TMEM140: variants seen among roughly 807,000 people sequenced by gnomAD.
TMEM140 encodes transmembrane protein 140.
For synonymous variants in TMEM140, 107 were observed against 106.8 expected (o/e 1.00, Z -0.01); for missense variants, 236 against 228.5 (o/e 1.03, Z -0.21).
chr7:135,150,381 T>C (rs1829639461), intron 1 of TMEM140, among the ~76,000 whole-genome samples: 1 of 152,162 alleles, frequency 6.6e-6, no homozygotes, highest in African/African-American at 2.4e-5. Flanking sequence ...TAATTACCTT[T>C]TAAAAAATAC....
chr7:135,149,035 C>T (rs567862709), intron 1 of TMEM140, among the ~76,000 whole-genome samples: 1 of 152,238 alleles, frequency 6.6e-6, no homozygotes, highest in South Asian at 2.1e-4. Flanking sequence ...ATCCACTTAC[C>T]ATACCCCATT....
chr7:135,159,491 T>C (rs1829875635), intron 1 of TMEM140, among the ~76,000 whole-genome samples: 1 of 152,218 alleles, frequency 6.6e-6, no homozygotes, highest in African/African-American at 2.4e-5. Context: ...AACTAGGAAT[T>C]TGTATCGCCT....
At chr7:135,150,776 A>G (rs1562921443) in intron 1 of TMEM140, among the ~76,000 whole-genome samples, 2 of 152,188 alleles carry the variant, frequency 1.3e-5, no homozygotes, top group East Asian at 1.9e-4. Flanking sequence ...GAATTTCTTG[A>G]ACCCGGGAGG....
Position 135,151,511 on chromosome 7 carries a change from A to G in TMEM140, c.-25+3241A>G, listed in dbSNP as rs1044786026. On this transcript the variant is annotated intron_variant, in intron 1 of 1. Transcript: ENST00000275767. The surrounding 1 kb of genome is among the most constrained non-coding windows in gnomAD (Gnocchi z 4.3). Reference sequence around the variant, plus strand: ...CTGTTGCCCCGGCTTTATTCTGCTAACATTTTCTTCCCAGTTCTCCTCTCT... The same window carrying G: ...CTGTTGCCCCGGCTTTATTCTGCTAGCATTTTCTTCCCAGTTCTCCTCTCT... Among the ~76,000 whole-genome samples, 1 of 152,164 alleles carries G rather than the reference A, an allele frequency of 6.6e-6. No individual in the cohort carries two copies. The highest frequency in any genetic ancestry group is 6.5e-5 in the Admixed American group (1 of 15,278).
At chr7:135,149,949 A>G (rs1829629429) in intron 1 of TMEM140, among the ~76,000 whole-genome samples, 1 of 152,116 alleles carries the variant, frequency 6.6e-6, no homozygotes. Context: ...AATTATATTT[A>G]TGTTGTTTTT....
chr7:135,158,878 G>T (rs917855520), intron 1 of TMEM140, among the ~76,000 whole-genome samples: 11 of 152,314 alleles, frequency 7.2e-5, no homozygotes, highest in Non-Finnish European at 1.2e-4. Context: ...TCTCAAAATG[G>T]CACCCTGCTG....
In TMEM140 at chr7:135,161,311, C is replaced by G. The variant is rs1194050577; in HGVS notation, c.-24-3107C>G. Among the ~76,000 whole-genome samples, 1 of 152,200 alleles carries G rather than the reference C, an allele frequency of 6.6e-6. No individual in the cohort carries two copies. The highest frequency in any genetic ancestry group is 1.5e-5 in the Non-Finnish European group (1 of 68,034). On this transcript the variant is annotated intron_variant, in intron 1 of 1. Transcript: ENST00000275767. The surrounding 1 kb of genome is among the most constrained non-coding windows in gnomAD (Gnocchi z 4.1). ...GCCACATTAATTTTTAAAAAGGCAGCTGTTTTCAAAGCAAAACGTTTAATA... is the reference window on the plus strand; with the variant it reads ...GCCACATTAATTTTTAAAAAGGCAGGTGTTTTCAAAGCAAAACGTTTAATA...
Position 135,164,844 on chromosome 7 carries a change from C to T in TMEM140, c.403C>T (p.Leu135Phe). The change falls in exon 2 of 2, where the codon CTC becomes TTC. Residue 135 changes from leucine (L) to phenylalanine (F), a missense_variant. Physicochemically the swap from Leu to Phe is conservative, Grantham distance 22. Transcript: ENST00000275767. ...GCTGGCAGGCGGCCTGGGCCTCTTCCTCTCCTATGTGTGGAAGTGGGTCAG... is the reference window on the plus strand; with the variant it reads ...GCTGGCAGGCGGCCTGGGCCTCTTCTTCTCCTATGTGTGGAAGTGGGTCAG... The part of the protein sequence containing the change: ...VLLAGGLGLF[L>F]SYVWKWVRLS... 1 of 1,614,012 alleles carries T rather than the reference C, an allele frequency of 6.2e-7. No individual in the cohort carries two copies. The highest frequency in any genetic ancestry group is 8.5e-7 in the Non-Finnish European group (1 of 1,179,888).
At position 135,161,374 on chromosome 7, in the gene TMEM140, G is replaced by A. The variant is rs1382221535; in HGVS notation, c.-24-3044G>A. ...ACCCCAGTGTAACAGAATTCAAATG[G>A]GAAAAGTGAGAGGGAGTGTTTAAAC... is the stretch of plus-strand genomic sequence containing the variant. On this transcript the variant is annotated intron_variant, in intron 1 of 1. Transcript: ENST00000275767. This position sits in a 1 kb window ranked among gnomAD's most constrained non-coding sequence, Gnocchi z 4.1. Among the ~76,000 whole-genome samples, 1 of 152,124 alleles carries A rather than the reference G, an allele frequency of 6.6e-6. No individual in the cohort carries two copies. Among genetic ancestry groups the A allele is most frequent in the East Asian group, 1.9e-4 (1 of 5,188 alleles).
At chr7:135,154,891 T>C (rs563928709) in intron 1 of TMEM140, among the ~76,000 whole-genome samples, 1 of 152,358 alleles carries the variant, frequency 6.6e-6, no homozygotes, top group African/African-American at 2.4e-5. Flanking sequence ...AATGTTTCTT[T>C]GTTAATTTTC....
intron 1 of TMEM140, among the ~76,000 whole-genome samples, chr7:135,152,254 T>A (rs1829681398): frequency 1.3e-5 from 2 of 152,208 alleles, no homozygotes; most frequent in African/African-American, 4.8e-5. Flanking sequence ...AGCTTCAAGG[T>A]CCATGCTCAG....
rs1463601115 is a variant in TMEM140 at position 135,148,142 on chromosome 7, T to A, written c.-153T>A. ...GCTCAGGACTGCATCTGCCTGCCAT[T>A]TCCCTTCCACTCCTCCTTTCTGGAG... On this transcript the variant is annotated 5_prime_UTR_variant, in exon 1 of 2. Transcript: ENST00000275767. 2.2e-6 allele frequency: 1 copy of A among 452,458 alleles called. No individual in the cohort carries two copies. The highest frequency in any genetic ancestry group is 2.5e-5 in the Admixed American group (1 of 40,654). The allele number at this position is 452,458 out of a possible 1,614,324, so 28.0% of individuals were successfully genotyped here. A position where few individuals can be genotyped will look rare whatever the true frequency, so the allele number is the denominator to read the frequency against.
chr7:135,165,331 T>C lies in TMEM140; in HGVS notation c.*332T>C, dbSNP rs185351292. Reference sequence around the variant, plus strand: ...CTTCAGGAGGGTGGGGAGGGAGTGATTGCTGTCATGGGGCCAGACTTCCAG... The same window carrying C: ...CTTCAGGAGGGTGGGGAGGGAGTGACTGCTGTCATGGGGCCAGACTTCCAG... On this transcript the variant is annotated 3_prime_UTR_variant, in exon 2 of 2. Coordinates refer to ENST00000275767, the MANE Select transcript of TMEM140 (RefSeq NM_018295.5). 41 of 243,766 alleles carry C rather than the reference T, an allele frequency of 1.7e-4. No homozygotes were observed. Among genetic ancestry groups the C allele is most frequent in the African/African-American group, 7.7e-4 (34 of 44,328 alleles). 15.1% of individuals were successfully genotyped at this position (243,766 alleles called of 1,614,324 possible).
intron 1 of TMEM140, among the ~76,000 whole-genome samples, chr7:135,158,367 G>A (rs1232029402): frequency 6.6e-6 from 1 of 152,252 alleles, no homozygotes; most frequent in Non-Finnish European, 1.5e-5. Context: ...CAGTTCCAGG[G>A]AGGGGTGCTG....
chr7:135,159,410 T>G (rs979226163), intron 1 of TMEM140, among the ~76,000 whole-genome samples: 1 of 152,232 alleles, frequency 6.6e-6, no homozygotes, highest in Non-Finnish European at 1.5e-5. Context: ...ATGAAAATGT[T>G]AGAGGTGCTT....
intron 1 of TMEM140, among the ~76,000 whole-genome samples, chr7:135,154,311 A>T (rs1829734835): frequency 6.6e-6 from 1 of 152,128 alleles, no homozygotes; most frequent in Non-Finnish European, 1.5e-5. Context: ...CTAATATATG[A>T]ACTTTTAGTT....
rs775059444 is a variant in TMEM140, at chr7:135,164,666, GC to G, written c.227del (p.Pro76LeufsTer28). ...TCCCTGAGCTGGAAGCCCTGGGGGT[GC>G]CTCGGGTTGGCCTGGGCCTGGCCAG... ...QFPELEALGV[P>X]RVGLGLARLG... On this transcript the variant is annotated frameshift_variant, in exon 2 of 2. Coordinates refer to ENST00000275767, the MANE Select transcript of TMEM140 (RefSeq NM_018295.5). LOFTEE classifies it low-confidence loss of function (END_TRUNC). The G allele has an allele frequency of 1.4e-5, 23 of 1,613,598 alleles. No homozygotes were observed. The highest frequency in any genetic ancestry group is 1.9e-5 in the Non-Finnish European group (23 of 1,179,502).
chr7:135,156,476 T>C (rs552678316), intron 1 of TMEM140, among the ~76,000 whole-genome samples: 2 of 152,154 alleles, frequency 1.3e-5, no homozygotes, highest in East Asian at 1.9e-4. Flanking sequence ...TTCTTTCTTC[T>C]GCTTGGTGTA....
rs1829941867 is a variant in TMEM140, at chr7:135,161,626, C to T, written c.-24-2792C>T. On this transcript the variant is annotated intron_variant, in intron 1 of 1. Coordinates refer to ENST00000275767, the MANE Select transcript of TMEM140 (RefSeq NM_018295.5). This position sits in a 1 kb window ranked among gnomAD's most constrained non-coding sequence, Gnocchi z 4.1. ...TCGGCAATTTTTCCCATACCATGGA[C>T]TCAAATGGTTAAAACTCCTTATCAT... Among the ~76,000 whole-genome samples the T allele has an allele frequency of 6.6e-6, 1 of 152,224 alleles. No individual in the cohort carries two copies. The highest frequency in any genetic ancestry group is 2.1e-4 in the South Asian group (1 of 4,832).
Sources: allele counts gnomAD v4.1 joint callset (sites outside exome capture counted in the v4.1 genomes callset), GRCh38; gene constraint gnomAD v4.1.1; non-coding constraint Gnocchi (gnomAD v3.1); transcripts MANE v1.5; gene names NCBI Gene and HGNC (gene_info 2026-07-23, HGNC 2026-07-21).